Variants in CDH8 observed in about 807,000 individuals in gnomAD.
The protein encoded by CDH8 is cadherin-8.
Under a neutral mutation model 68.1 loss-of-function variants are expected in CDH8, and 17 were observed. The observed-to-expected ratio is 0.25, with a 90% CI of 0.17 to 0.37. The LOEUF (loss-of-function observed/expected upper bound fraction) is 0.37. Ranked by LOEUF, CDH8 falls within the 10% of genes least tolerant of loss-of-function variation. The pLI is 1.00. For synonymous variants in CDH8, 372 were observed against 365.1 expected, an observed-to-expected ratio of 1.02 and a Z score of -0.21; for missense variants, 763 against 999.3, an observed-to-expected ratio of 0.76 and a Z score of 3.19.
chr16:61,832,996 T>A (rs541407885), intron 4 of CDH8, among the ~76,000 whole-genome samples: 33 of 151,804 alleles, frequency 2.2e-4, no homozygotes, highest in Non-Finnish European at 4.0e-4. Flanking sequence ...GAGAATGGGT[T>A]CTGGAGTTAG....
chr16:61,920,326 A>C (rs1172157264), intron 2 of CDH8, among the ~76,000 whole-genome samples: 11 of 139,126 alleles, frequency 7.9e-5, no homozygotes, highest in East Asian at 6.6e-4. Flanking sequence ...AACCTACAAA[A>C]TGGGAGAAAA....
chr16:61,841,775 C>A (rs1962688443), intron 4 of CDH8, among the ~76,000 whole-genome samples: 1 of 151,912 alleles, frequency 6.6e-6, no homozygotes, highest in Non-Finnish European at 1.5e-5. Flanking sequence ...ACCTCATATA[C>A]CCAATAAATA....
chr16:61,916,464 G>A (rs932459803), intron 2 of CDH8, among the ~76,000 whole-genome samples: 3 of 152,110 alleles, frequency 2.0e-5, no homozygotes, highest in East Asian at 1.9e-4. Context: ...GCAGTGAACC[G>A]AGATCATGCA....
intron 2 of CDH8, chr16:61,940,417 T>TTTTTTTTTTTA (rs1402382914): frequency 6.7e-6 from 1 of 149,606 alleles, no homozygotes; most frequent in African/African-American, 2.5e-5. Context: ...TTTTTTTTTT[T>TTTTTTTTTTTA]GAGACGGAGC....
At chr16:61,852,201 A>G (rs1350921398) in intron 4 of CDH8, among the ~76,000 whole-genome samples, 2 of 152,084 alleles carry the variant, frequency 1.3e-5, no homozygotes, top group Non-Finnish European at 2.9e-5. Context: ...GAATTTATCT[A>G]AAGGTGAGAA....
intron 3 of CDH8, among the ~76,000 whole-genome samples, chr16:61,880,079 C>A (rs758755889): frequency 4.6e-5 from 7 of 152,006 alleles, no homozygotes; most frequent in Non-Finnish European, 1.0e-4. Flanking sequence ...GCGCCCACCA[C>A]CACGCCCTGC....
In CDH8 at chr16:61,898,809, G is replaced by A. The variant is rs79043730; in HGVS notation, c.547+2370C>T. Among the ~76,000 whole-genome samples the A allele has an allele frequency of 3.5e-3, 532 of 152,136 alleles. 18 individuals carry two copies. In the East Asian group the frequency reaches 0.079, roughly 23 times the overall value. ...GAGTAAAAACAGATTCAACAATATC[G>A]CTTCCATGTTGTACGTGGGATTTGA... On this transcript the variant is annotated intron_variant, in intron 3 of 11. Transcript: ENST00000577390.
chr16:61,746,002 G>A (rs535399655), intron 8 of CDH8, among the ~76,000 whole-genome samples: 5 of 152,116 alleles, frequency 3.3e-5, no homozygotes, highest in South Asian at 2.1e-4. Context: ...CACTAAGACC[G>A]GATTTCAGAA....
chr16:62,019,336 A>G (rs949855620), intron 2 of CDH8, among the ~76,000 whole-genome samples: 2 of 152,192 alleles, frequency 1.3e-5, no homozygotes. Flanking sequence ...GGCATTTCCA[A>G]CAGGATTCAA....
At chr16:61,995,293 T>C (rs1210471998) in intron 2 of CDH8, among the ~76,000 whole-genome samples, 1 of 152,148 alleles carries the variant, frequency 6.6e-6, no homozygotes, top group Non-Finnish European at 1.5e-5. Flanking sequence ...CTAAAAACAA[T>C]TACTGTTTTG....
At chr16:61,687,997 GTGAAA>G (rs1964141221) in intron 10 of CDH8, among the ~76,000 whole-genome samples, 1 of 152,056 alleles carries the variant, frequency 6.6e-6, no homozygotes, top group African/African-American at 2.4e-5. Context: ...AGTGAAAGCA[GTGAAA>G]TAACTCATCT....
intron 8 of CDH8, among the ~76,000 whole-genome samples, chr16:61,770,318 G>C (rs1442143728): frequency 1.3e-5 from 2 of 151,856 alleles, no homozygotes; most frequent in Non-Finnish European, 2.9e-5. Context: ...AACCAATAGA[G>C]AGCATGAAAG....
At chr16:61,801,537 C>T (rs1961632751) in intron 7 of CDH8, among the ~76,000 whole-genome samples, 1 of 152,196 alleles carries the variant, frequency 6.6e-6, no homozygotes, top group Non-Finnish European at 1.5e-5. Flanking sequence ...GTGATTTCTG[C>T]ATTTCCATCT....
chr16:61,741,475 A>G (rs147405253), intron 8 of CDH8, among the ~76,000 whole-genome samples: 11 of 152,218 alleles, frequency 7.2e-5, no homozygotes, highest in African/African-American at 2.6e-4. Context: ...TGAAAATCCC[A>G]TGTTAACTTT....
At chr16:61,832,228 C>T (rs992912438) in intron 4 of CDH8, among the ~76,000 whole-genome samples, 8 of 151,578 alleles carry the variant, frequency 5.3e-5, no homozygotes, top group African/African-American at 7.3e-5. Flanking sequence ...GAAAATAATT[C>T]GGCCTCCATA....
chr16:61,713,240 G>T (rs1401812140), intron 10 of CDH8, among the ~76,000 whole-genome samples: 1 of 151,532 alleles, frequency 6.6e-6, no homozygotes, highest in Non-Finnish European at 1.5e-5. Context: ...GTAATCCAAG[G>T]TTGGTCCTCA....
intron 5 of CDH8, among the ~76,000 whole-genome samples, chr16:61,824,371 A>G (rs760028157): frequency 1.4e-4 from 21 of 151,890 alleles, no homozygotes; most frequent in Non-Finnish European, 2.7e-4. Flanking sequence ...CATGTCAGAA[A>G]GGCCTTATCA....
chr16:61,653,001 G>C lies in CDH8; in HGVS notation c.*607C>G, dbSNP rs1260349954. 3 of 1,458,766 alleles carry C rather than the reference G, an allele frequency of 2.1e-6. No homozygotes were observed. The highest frequency in any genetic ancestry group is 1.8e-6 in the Non-Finnish European group (2 of 1,108,210). 90.4% of individuals were successfully genotyped at this position (1,458,766 alleles called of 1,614,324 possible). ...CGAACATGTGAATATTTTAAGGCTC[G>C]ACACAATATTTAAAGATGCTATTCA... On this transcript the variant is annotated 3_prime_UTR_variant, in exon 12 of 12. Coordinates refer to ENST00000577390, the MANE Select transcript of CDH8 (RefSeq NM_001796.5).
chr16:61,846,056 G>A (rs146640523), intron 4 of CDH8, among the ~76,000 whole-genome samples: 74 of 152,130 alleles, frequency 4.9e-4, no homozygotes, highest in Non-Finnish European at 7.4e-5. Flanking sequence ...TTTAAGGAAC[G>A]AAGGACTGAT....
Sources: allele counts gnomAD v4.1 joint callset (sites outside exome capture counted in the v4.1 genomes callset), GRCh38; gene constraint gnomAD v4.1.1; transcripts MANE v1.5; gene names NCBI Gene and HGNC (gene_info 2026-07-23, HGNC 2026-07-21).